The following CCND2 variants were observed in gnomAD, a reference collection of about 807,000 sequenced individuals.
The protein encoded by CCND2 is cyclin D2, also known as G1/S-specific cyclin-D2.
A neutral mutation model predicts 30.2 loss-of-function variants in CCND2; 6 were observed. The ratio of observed to expected loss-of-function variants is 0.20; its 90% CI spans 0.11 to 0.39. The LOEUF (loss-of-function observed/expected upper bound fraction) is 0.39. Among genes scored for constraint, CCND2 ranks in the 10% least tolerant of loss-of-function variants. The pLI is 1.00. For synonymous variants in CCND2, 150 were observed against 153.1 expected, an observed-to-expected ratio of 0.98 and a Z score of 0.15; for missense variants, 235 against 373.4, an observed-to-expected ratio of 0.63 and a Z score of 3.06.
At chr12:4,291,092 C>T (rs958791315) in intron 4 of CCND2, among the ~76,000 whole-genome samples, 6 of 151,888 alleles carry the variant, frequency 4.0e-5, no homozygotes, top group Admixed American at 1.3e-4. Context: ...AACACTTTTT[C>T]AAAGAAAAAT....
At chr12:4,297,570 C>CAAA (rs71061177) in intron 4 of CCND2, among the ~76,000 whole-genome samples, 29 of 74,728 alleles carry the variant, frequency 3.9e-4, no homozygotes, top group South Asian at 1.1e-3. Context: ...CACTCTGTCT[C>CAAA]AAAAAAAAAA....
chr12:4,283,245 A>C (rs1863975173), intron 3 of CCND2, among the ~76,000 whole-genome samples: 1 of 152,234 alleles, frequency 6.6e-6, no homozygotes, highest in Non-Finnish European at 1.5e-5. Flanking sequence ...AGAGGCTCCC[A>C]GGGCATCCTT....
At chr12:4,290,608 G>A (rs1214294746) in intron 4 of CCND2, among the ~76,000 whole-genome samples, 1 of 142,458 alleles carries the variant, frequency 7.0e-6, no homozygotes, top group Admixed American at 6.9e-5. Context: ...CCCAGGCATT[G>A]TAACCTTTTC....
At position 4,287,643 on chromosome 12, in the gene CCND2, CAA is replaced by C. The variant is rs1273395163; in HGVS notation, c.572-1196_572-1195del. ...CACGAGCAGGGGCAACTTAAACTCTCAAAAGTCTCAGGGTTCTCACCCATACC... is the reference window on the plus strand; with the variant it reads ...CACGAGCAGGGGCAACTTAAACTCTCAAGTCTCAGGGTTCTCACCCATACC... On this transcript the variant is annotated intron_variant, in intron 3 of 4. Transcript: ENST00000261254. This position sits in a 1 kb window ranked among gnomAD's most constrained non-coding sequence, Gnocchi z 4.0. 6.6e-6 allele frequency among the ~76,000 whole-genome samples: 1 copy of C among 152,218 alleles called. No individual in the cohort carries two copies. Among genetic ancestry groups the C allele is most frequent in the East Asian group, 1.9e-4 (1 of 5,200 alleles).
rs1481998693 is a variant in CCND2, at chr12:4,287,829, T to C, written c.572-1013T>C. Among the ~76,000 whole-genome samples, 1 of 152,208 alleles carries C rather than the reference T, an allele frequency of 6.6e-6. No homozygotes were observed. Among genetic ancestry groups the C allele is most frequent in the Non-Finnish European group, 1.5e-5 (1 of 68,026 alleles). On this transcript the variant is annotated intron_variant, in intron 3 of 4. Transcript: ENST00000261254. This position sits in a 1 kb window ranked among gnomAD's most constrained non-coding sequence, Gnocchi z 4.0. ...TCCCCTCGATGGACCAAGCAGCTGC[T>C]GGATCATGGCCACCCAGCCCCTCTG...
intron 3 of CCND2, 43 bp from the exon 4 acceptor site, chr12:4,288,799 A>T (rs1864057915): frequency 6.4e-7 from 1 of 1,573,284 alleles, no homozygotes; most frequent in Admixed American, 1.8e-5. Flanking sequence ...CCAGGATCCA[A>T]ATTCGTTCTG....
At chr12:4,291,234 T>TGTGTGTGTGTGTGTGTGTGTGTGTGTGTG (rs6144591) in intron 4 of CCND2, among the ~76,000 whole-genome samples, 7 of 151,260 alleles carry the variant, frequency 4.6e-5, no homozygotes, top group South Asian at 2.1e-4. Context: ...TGTGTGTGTG[T>TGTGTGTGTGTGTGTGTGTGTGTGTGTGTG]TTATGCACCT....
intron 3 of CCND2, 63 bp downstream of exon 3, chr12:4,278,982 A>C (rs1462532101): frequency 7.3e-6 from 11 of 1,513,588 alleles, no homozygotes; most frequent in Non-Finnish European, 9.9e-6. Context: ...GTCCGGGGAG[A>C]GGCAAAAGGC....
intron 4 of CCND2, among the ~76,000 whole-genome samples, chr12:4,292,760 AG>A (rs1296553755): frequency 6.6e-6 from 1 of 152,090 alleles, no homozygotes; most frequent in Non-Finnish European, 1.5e-5. Flanking sequence ...GTTTGGCTGT[AG>A]GGGGGACGTC....
chr12:4,300,409 A>G lies in CCND2; in HGVS notation c.*400A>G, dbSNP rs1306953429. The G allele has an allele frequency of 4.1e-6, 1 of 242,772 alleles. No individual in the cohort carries two copies. Among genetic ancestry groups the G allele is most frequent in the Non-Finnish European group, 8.1e-6 (1 of 123,524 alleles). 15.0% of individuals were successfully genotyped at this position (242,772 alleles called of 1,614,324 possible). A position where few individuals can be genotyped will look rare whatever the true frequency, so the allele number is the denominator to read the frequency against. ...TACACCCCCTTGTAGTATAATTTCA[A>G]GGAACTGTGTACGCCATTTATGGCA... On this transcript the variant is annotated 3_prime_UTR_variant, in exon 5 of 5. Transcript: ENST00000261254.
intron 3 of CCND2, 116 bp from the exon 4 acceptor site, chr12:4,288,726 G>C (rs1043025306): frequency 3.2e-6 from 3 of 923,810 alleles, no homozygotes; most frequent in African/African-American, 1.7e-5. Flanking sequence ...TGTAGGGCAC[G>C]GGGTCACTCG....
intron 4 of CCND2, among the ~76,000 whole-genome samples, chr12:4,291,061 G>A (rs971334046): frequency 1.3e-5 from 2 of 152,070 alleles, no homozygotes; most frequent in East Asian, 3.8e-4. Context: ...AAGAGTGAAC[G>A]CGGTGAAATG....
At position 4,274,184 on chromosome 12, in the gene CCND2, G is replaced by A; in HGVS notation, c.144G>A (p.Gln48=). ...AGTGCTCCTACTTCAAGTGCGTGCA[G>A]AAGGACATCCAACCCTACATGCGCA... ...LPQCSYFKCV[Q]KDIQPYMRRM... Residue 48 remains glutamine, a synonymous_variant, in exon 1 of 5, where the codon CAG becomes CAA. Transcript: ENST00000261254. The surrounding 1 kb of genome is among the most constrained non-coding windows in gnomAD (Gnocchi z 7.7). 6.2e-7 allele frequency: 1 copy of A among 1,614,140 alleles called. No individual in the cohort carries two copies. The highest frequency in any genetic ancestry group is 8.5e-7 in the Non-Finnish European group (1 of 1,179,978).
rs754626676 is a variant in CCND2 at position 4,274,293 on chromosome 12, C to T, written c.195+58C>T. On this transcript the variant is annotated intron_variant, in intron 1 of 4. Coordinates refer to ENST00000261254, the MANE Select transcript of CCND2 (RefSeq NM_001759.4). The surrounding 1 kb of genome is among the most constrained non-coding windows in gnomAD (Gnocchi z 7.7). ...GGACCCCTCCGGATGCTCGGGTCCC[C>T]GGCCGGAGCCCTAAACCTGGGAGAG... 4.1e-5 allele frequency: 64 copies of T among 1,566,358 alleles called. No individual in the cohort carries two copies. Among genetic ancestry groups the T allele is most frequent in the African/African-American group, 5.4e-5 (4 of 74,008 alleles).
Position 4,300,432 on chromosome 12 carries a change from G to A in CCND2, c.*423G>A, listed in dbSNP as rs1031282535. The A allele has an allele frequency of 8.4e-6, 2 of 236,764 alleles. No homozygotes were observed. The highest frequency in any genetic ancestry group is 1.7e-5 in the Non-Finnish European group (2 of 120,132). 14.7% of individuals were successfully genotyped at this position (236,764 alleles called of 1,614,324 possible). ...CAAGGAACTGTGTACGCCATTTATG[G>A]CATGATTAGATTGCAAAGCAATGAA... On this transcript the variant is annotated 3_prime_UTR_variant, in exon 5 of 5. Transcript: ENST00000261254.
Position 4,287,201 on chromosome 12 carries a change from C to G in CCND2, c.572-1641C>G, listed in dbSNP as rs951903516. On this transcript the variant is annotated intron_variant, in intron 3 of 4. Transcript: ENST00000261254. The surrounding 1 kb of genome is among the most constrained non-coding windows in gnomAD (Gnocchi z 4.0). ...GGCAATGGAGAAAAAGCCAAGGAGA[C>G]AGGCAGATGGCCAGGTTTGCTCTGC... Among the ~76,000 whole-genome samples the G allele has an allele frequency of 5.9e-5, 9 of 152,152 alleles. No homozygotes were observed. The highest frequency in any genetic ancestry group is 2.2e-4 in the African/African-American group (9 of 41,438).
intron 2 of CCND2, among the ~76,000 whole-genome samples, chr12:4,277,247 G>A (rs1390023754): frequency 6.6e-6 from 1 of 152,222 alleles, no homozygotes; most frequent in Non-Finnish European, 1.5e-5. Flanking sequence ...GGCCTAGAAA[G>A]GTGCTTTCTT....
At chr12:4,280,993 CG>C (rs2120538473) in intron 3 of CCND2, among the ~76,000 whole-genome samples, 1 of 152,296 alleles carries the variant, frequency 6.6e-6, no homozygotes, top group South Asian at 2.1e-4. Context: ...CTGCCAGCTC[CG>C]GGGCCAGAGT....
Position 4,287,590 on chromosome 12 carries a change from C to A in CCND2, c.572-1252C>A, listed in dbSNP as rs183782411. 6.6e-6 allele frequency among the ~76,000 whole-genome samples: 1 copy of A among 152,312 alleles called. No homozygotes were observed. Among genetic ancestry groups the A allele is most frequent in the African/African-American group, 2.4e-5 (1 of 41,566 alleles). The stretch of plus-strand genomic sequence containing the variant: ...AGGACCGTCACTAGCGTGATGGCTG[C>A]AACTATACCCACCCTAATATCTGTC... On this transcript the variant is annotated intron_variant, in intron 3 of 4. Coordinates refer to ENST00000261254, the MANE Select transcript of CCND2 (RefSeq NM_001759.4). The surrounding 1 kb of genome is among the most constrained non-coding windows in gnomAD (Gnocchi z 4.0).
Sources: allele counts gnomAD v4.1 joint callset (sites outside exome capture counted in the v4.1 genomes callset), GRCh38; gene constraint gnomAD v4.1.1; non-coding constraint Gnocchi (gnomAD v3.1); transcripts MANE v1.5; gene names NCBI Gene and HGNC (gene_info 2026-07-23, HGNC 2026-07-21).